The following HMGCLL1 variants were observed in gnomAD, a reference collection of about 807,000 sequenced individuals.
The protein encoded by HMGCLL1 is 3-hydroxymethyl-3-methylglutaryl-CoA lyase, cytoplasmic.
HMGCLL1 carries 36 observed loss-of-function variants against 39.1 expected under a neutral mutation model. That is an observed-to-expected ratio of 0.92 (90% CI 0.71 to 1.22). The LOEUF (loss-of-function observed/expected upper bound fraction) is 1.22. HMGCLL1 is among the 50% of genes most tolerant of loss of function. The pLI, the probability that HMGCLL1 is intolerant of heterozygous loss-of-function variation, is 0.00. For missense variants in HMGCLL1, 451 were observed against 416.5 expected (o/e 1.08, Z -0.72); for synonymous variants, 149 against 144.0 (o/e 1.03, Z -0.25).
the HMGCLL1 span, among the ~76,000 whole-genome samples, chr6:55,614,404 C>T: frequency 2.0e-5 from 3 of 152,232 alleles, no homozygotes; most frequent in African/African-American, 7.2e-5. Flanking sequence ...CCTCACCAAA[C>T]ACTGAATCTT....
chr6:55,443,635 GACCAATGTC>G (rs1184034574), intron 7 of HMGCLL1, among the ~76,000 whole-genome samples: 1 of 151,390 alleles, frequency 6.6e-6, no homozygotes, highest in Non-Finnish European at 1.5e-5. Flanking sequence ...AACAATAAAT[GACCAATGTC>G]ACACTAGAGC....
rs756781335 is a variant in HMGCLL1 at position 55,439,437 on chromosome 6, A to G, written c.918T>C (p.Asn306=). 1.1e-5 allele frequency: 18 copies of G among 1,611,440 alleles called. No individual in the cohort carries two copies. The highest frequency in any genetic ancestry group is 1.5e-5 in the Non-Finnish European group (18 of 1,178,234). ...AAAATACGTTAAAGTAACTTACTGT[A>G]TTGAGCCCCAGGCCATTAAGCATAT... ...LIYMLNGLGL[N]TGVNLYKVME... The change falls in exon 8 of 9, where the codon AAT becomes AAC. Residue 306 remains asparagine (N), a synonymous_variant. Coordinates refer to ENST00000274901, the MANE Select transcript of HMGCLL1 (RefSeq NM_001042406.2).
chr6:55,573,461 T>C (rs573931150), intron 1 of HMGCLL1, among the ~76,000 whole-genome samples: 1 of 152,256 alleles, frequency 6.6e-6, no homozygotes, highest in South Asian at 2.1e-4. Flanking sequence ...ATTTATAATA[T>C]GATAGAGAAT....
At chr6:55,633,801 A>T in the HMGCLL1 span, among the ~76,000 whole-genome samples, 1 of 152,110 alleles carries the variant, frequency 6.6e-6, no homozygotes, top group Non-Finnish European at 1.5e-5. Context: ...AGGCATGTAC[A>T]AGTCTAAAAA....
intron 1 of HMGCLL1, among the ~76,000 whole-genome samples, chr6:55,568,854 AACACACAC>A (rs139032251): frequency 6.6e-6 from 1 of 150,538 alleles, no homozygotes; most frequent in South Asian, 2.1e-4. Context: ...AGTAAAATGA[AACACACAC>A]ACACACACAC....
chr6:55,483,885 G>T (rs1017326203), intron 7 of HMGCLL1, among the ~76,000 whole-genome samples: 1 of 152,142 alleles, frequency 6.6e-6, no homozygotes, highest in Non-Finnish European at 1.5e-5. Context: ...ATCAGCTATT[G>T]TTATCACAGA....
At chr6:55,637,635 A>G in the HMGCLL1 span, among the ~76,000 whole-genome samples, 1 of 151,932 alleles carries the variant, frequency 6.6e-6, no homozygotes, top group Non-Finnish European at 1.5e-5. Context: ...GGCCTCCTGT[A>G]TTCTTCCTAG....
chr6:55,483,016 A>G (rs1363127348), intron 7 of HMGCLL1, among the ~76,000 whole-genome samples: 1 of 152,158 alleles, frequency 6.6e-6, no homozygotes, highest in East Asian at 1.9e-4. Context: ...CAATGATCCC[A>G]ATCAGAAGAA....
the HMGCLL1 span, among the ~76,000 whole-genome samples, chr6:55,673,749 T>C: frequency 2.0e-5 from 3 of 152,008 alleles, no homozygotes; most frequent in Non-Finnish European, 4.4e-5. Flanking sequence ...CTAGTATTAA[T>C]ACTTTTCCTG....
At chr6:55,518,563 C>T (rs1273050153) in intron 3 of HMGCLL1, among the ~76,000 whole-genome samples, 2 of 151,994 alleles carry the variant, frequency 1.3e-5, no homozygotes, top group Admixed American at 1.3e-4. Flanking sequence ...CTTCTGAAGC[C>T]AGGTTACAAA....
chr6:55,552,291 C>T (rs1020871575), intron 1 of HMGCLL1, among the ~76,000 whole-genome samples: 7 of 151,860 alleles, frequency 4.6e-5, no homozygotes, highest in Admixed American at 2.0e-4. Context: ...ATTTCAAACT[C>T]GGGACAGACA....
chr6:55,649,351 A>C, the HMGCLL1 span, among the ~76,000 whole-genome samples: 1 of 151,706 alleles, frequency 6.6e-6, no homozygotes, highest in African/African-American at 2.4e-5. Context: ...TTGCATCACA[A>C]ATACTCATAT....
intron 1 of HMGCLL1, chr6:55,566,585 C>T: frequency 2.2e-6 from 1 of 455,974 alleles, no homozygotes; most frequent in Non-Finnish European, 4.4e-6. Flanking sequence ...AGCTGCTTAA[C>T]CCTGAGGGGA....
At chr6:55,659,403 G>A in the HMGCLL1 span, among the ~76,000 whole-genome samples, 4 of 151,788 alleles carry the variant, frequency 2.6e-5, no homozygotes, top group South Asian at 4.1e-4. Context: ...CCCACTTCTC[G>A]CTCTTTGTCT....
chr6:55,613,576 A>C, the HMGCLL1 span, among the ~76,000 whole-genome samples: 1 of 152,006 alleles, frequency 6.6e-6, no homozygotes, highest in East Asian at 1.9e-4. Flanking sequence ...TGGATAAAGA[A>C]AATGGAATAT....
intron 5 of HMGCLL1, among the ~76,000 whole-genome samples, chr6:55,506,923 A>C (rs1767200651): frequency 6.6e-6 from 1 of 151,816 alleles, no homozygotes; most frequent in Non-Finnish European, 1.5e-5. Context: ...GTGAAGGAAA[A>C]AATAAATTCA....
In HMGCLL1 at chr6:55,495,576, T is replaced by A. The variant is rs376331863; in HGVS notation, c.638A>T (p.Tyr213Phe). 1.2e-6 allele frequency: 2 copies of A among 1,612,466 alleles called. No individual in the cohort carries two copies. The highest frequency in any genetic ancestry group is 2.7e-5 in the African/African-American group (2 of 74,844). ...VSKRLYGMGC[Y>F]EISLGDTIGV... ...AATTGTGTCTCCTAGAGAGATCTCA[T>A]AACAACCCATGCCGTACAATCTCTT... Residue 213 changes from tyrosine to phenylalanine, a missense_variant, in exon 7 of 9, where the codon TAT becomes TTT. Tyr to Phe is a conservative substitution (Grantham distance 22). Transcript: ENST00000274901.
chr6:55,541,682 G>C, intron 3 of HMGCLL1, 47 bp downstream of exon 3: 2 of 896,618 alleles, frequency 2.2e-6, no homozygotes, highest in Non-Finnish European at 1.8e-6. Context: ...AATATTTTTT[G>C]GTGAAGTTGA....
At chr6:55,526,596 C>T (rs1768332687) in intron 3 of HMGCLL1, among the ~76,000 whole-genome samples, 1 of 151,992 alleles carries the variant, frequency 6.6e-6, no homozygotes, top group Non-Finnish European at 1.5e-5. Flanking sequence ...ACTTTGAATT[C>T]AATCCACTTT....
Sources: gnomAD v4.1 joint callset for allele counts (sites outside exome capture counted in the v4.1 genomes callset) on GRCh38, gnomAD v4.1.1 for gene constraint, MANE v1.5 for transcripts, NCBI Gene and HGNC (gene_info 2026-07-23, HGNC 2026-07-21) for gene names.